Variants in SYN3 observed in about 807,000 individuals in gnomAD.
SYN3 encodes the protein synapsin-3.
SYN3 carries 35 observed loss-of-function variants against 65.8 expected under a neutral mutation model. The ratio of observed to expected loss-of-function variants is 0.53; its 90% CI spans 0.41 to 0.70. The LOEUF (loss-of-function observed/expected upper bound fraction) is 0.70. Ranked by LOEUF, SYN3 falls within the 30% of genes least tolerant of loss-of-function variation. The pLI is 0.00. For synonymous variants in SYN3, 270 were observed against 292.9 expected (o/e 0.92, Z 0.80); for missense variants, 680 against 749.0 (o/e 0.91, Z 1.08).
At chr22:32,746,472 G>A (rs891469491) in intron 6 of SYN3, among the ~76,000 whole-genome samples, 4 of 151,868 alleles carry the variant, frequency 2.6e-5, no homozygotes, top group South Asian at 2.1e-4. Context: ...AGCTTAAAGC[G>A]TGGACAAACC....
chr22:32,662,429 C>T (rs2147010917), intron 6 of SYN3, among the ~76,000 whole-genome samples: 1 of 152,336 alleles, frequency 6.6e-6, no homozygotes, highest in South Asian at 2.1e-4. Flanking sequence ...CATCATTTCC[C>T]TCCATAGCTC....
At chr22:32,680,209 C>T (rs2060505256) in intron 6 of SYN3, among the ~76,000 whole-genome samples, 1 of 152,170 alleles carries the variant, frequency 6.6e-6, no homozygotes, top group Non-Finnish European at 1.5e-5. Context: ...TAGCCACATC[C>T]TCAGATATTC....
intron 6 of SYN3, among the ~76,000 whole-genome samples, chr22:32,644,806 TC>T (rs1252251096): frequency 4.6e-5 from 7 of 152,114 alleles, no homozygotes; most frequent in Non-Finnish European, 1.0e-4. Flanking sequence ...GCCTGGGGCC[TC>T]CCAGTGCTGT....
At chr22:32,833,643 G>C (rs1380848468) in intron 6 of SYN3, among the ~76,000 whole-genome samples, 1 of 152,224 alleles carries the variant, frequency 6.6e-6, no homozygotes, top group African/African-American at 2.4e-5. Flanking sequence ...AGGCAGGTAG[G>C]ACCCAGAGAT....
intron 7 of SYN3, among the ~76,000 whole-genome samples, chr22:32,561,060 G>A (rs1226012459): frequency 6.6e-6 from 1 of 152,202 alleles, no homozygotes; most frequent in Non-Finnish European, 1.5e-5. Flanking sequence ...GGGAAAGCCT[G>A]CGGAGGAGCA....
chr22:33,032,546 T>C (rs1380158983), intron 1 of SYN3, among the ~76,000 whole-genome samples: 1 of 151,974 alleles, frequency 6.6e-6, no homozygotes, highest in Non-Finnish European at 1.5e-5. Context: ...CTAACAAAAT[T>C]TTAGTCTTTG....
At chr22:32,652,379 GTT>G in intron 6 of SYN3, among the ~76,000 whole-genome samples, 1 of 138,890 alleles carries the variant, frequency 7.2e-6, no homozygotes, top group East Asian at 2.1e-4. Flanking sequence ...TGCGATGCAA[GTT>G]TTTTTTTTTT....
At chr22:33,055,742 C>G (rs2054244258) in intron 1 of SYN3, among the ~76,000 whole-genome samples, 1 of 152,182 alleles carries the variant, frequency 6.6e-6, no homozygotes, top group African/African-American at 2.4e-5. Flanking sequence ...GGACAAAGAG[C>G]CTGTTATTCT....
At chr22:32,529,115 C>A in intron 10 of SYN3, 107 bp from the exon 11 acceptor site, 1 of 1,404,010 alleles carries the variant, frequency 7.1e-7, no homozygotes, top group South Asian at 1.2e-5. Flanking sequence ...AAGTGACCAC[C>A]AGATGGCGAT....
At chr22:32,980,732 G>A (rs2052347110) in intron 2 of SYN3, 30 bp from the exon 3 acceptor site, 7 of 1,606,870 alleles carry the variant, frequency 4.4e-6, no homozygotes, top group Non-Finnish European at 5.1e-6. Flanking sequence ...AGCTGAGTAA[G>A]GATGCAGGCT....
intron 3 of SYN3, among the ~76,000 whole-genome samples, chr22:32,939,401 C>G (rs73158393): frequency 0.18 from 27,464 of 152,080 alleles, 3,131 homozygotes; most frequent in Non-Finnish European, 0.25. Flanking sequence ...ATAAAGTATA[C>G]AAATTTTAAG....
At chr22:32,921,183 A>G (rs2050325425) in intron 4 of SYN3, among the ~76,000 whole-genome samples, 1 of 152,118 alleles carries the variant, frequency 6.6e-6, no homozygotes, top group African/African-American at 2.4e-5. Context: ...CTGATACAAT[A>G]CCCAATGTCT....
At chr22:32,533,751 C>T (rs2058115856) in intron 10 of SYN3, 42 bp downstream of exon 10, 2 of 1,462,662 alleles carry the variant, frequency 1.4e-6, no homozygotes, top group Non-Finnish European at 1.9e-6. Context: ...GCACGCCTGC[C>T]AGGCTGGACC....
chr22:32,714,203 C>G (rs942676232), intron 6 of SYN3, among the ~76,000 whole-genome samples: 1 of 152,200 alleles, frequency 6.6e-6, no homozygotes, highest in Non-Finnish European at 1.5e-5. Context: ...GCAGTGAGAT[C>G]TGAAGGCCCC....
At chr22:32,532,140 T>A (rs1462433441) in intron 10 of SYN3, among the ~76,000 whole-genome samples, 2 of 152,266 alleles carry the variant, frequency 1.3e-5, no homozygotes, top group Admixed American at 1.3e-4. Context: ...CCCCTGCTCT[T>A]GTGTTTGCAG....
At chr22:32,710,131 G>T (rs2060940098) in intron 6 of SYN3, among the ~76,000 whole-genome samples, 1 of 147,464 alleles carries the variant, frequency 6.8e-6, no homozygotes, top group Non-Finnish European at 1.5e-5. Context: ...GTGTGTGTGT[G>T]TATTTACTTT....
intron 6 of SYN3, among the ~76,000 whole-genome samples, chr22:32,602,684 T>A (rs2059302563): frequency 6.6e-6 from 1 of 152,130 alleles, no homozygotes; most frequent in Admixed American, 6.6e-5. Flanking sequence ...ATGGTCTTCA[T>A]CTCCTGACCT....
chr22:32,518,087 C>T lies in SYN3; in HGVS notation c.1566G>A (p.Gln522=). ...GTGCTGGCTTCTTGGACTCTTCACCCTGCTGGGAGGTACTACGGCCCTGCA... is the reference window on the plus strand; with the variant it reads ...GTGCTGGCTTCTTGGACTCTTCACCTTGCTGGGAGGTACTACGGCCCTGCA... ...PPVQGRSTSQ[Q]GEESKKPAPP... The change falls in exon 13 of 14, where the codon CAG becomes CAA. Residue 522 remains glutamine (Q), a synonymous_variant. Transcript: ENST00000358763. The T allele has an allele frequency of 6.5e-7, 1 of 1,549,758 alleles. No individual in the cohort carries two copies.
At chr22:33,037,500 A>AATTATATTAATTATTAATTAATT (rs1203756756) in intron 1 of SYN3, among the ~76,000 whole-genome samples, 1 of 152,236 alleles carries the variant, frequency 6.6e-6, no homozygotes, top group Non-Finnish European at 1.5e-5. Flanking sequence ...AGTGTTTGTC[A>AATTATATTAATTATTAATTAATT]AACTATATTA....
Sources: gnomAD v4.1 joint callset for allele counts (sites outside exome capture counted in the v4.1 genomes callset) on GRCh38, gnomAD v4.1.1 for gene constraint, MANE v1.5 for transcripts, NCBI Gene and HGNC (gene_info 2026-07-23, HGNC 2026-07-21) for gene names.